The following CLCA1 variants were observed in gnomAD, a reference collection of about 807,000 sequenced individuals.
CLCA1 encodes the protein chloride channel accessory 1, also known as calcium-activated chloride channel regulator 1.
A neutral mutation model predicts 85.6 loss-of-function variants in CLCA1; 59 were observed. That is an observed-to-expected ratio of 0.69 (90% CI 0.56 to 0.86). CLCA1 has a LOEUF of 0.86. Among genes scored for constraint, CLCA1 ranks in the 40% least tolerant of loss-of-function variants. The pLI is 0.00. For missense variants in CLCA1, 1,022 were observed against 1,101.4 expected, an observed-to-expected ratio of 0.93 and a Z score of 1.02; for synonymous variants, 396 against 398.3, an observed-to-expected ratio of 0.99 and a Z score of 0.07.
chr1:86,497,730 ACAAT>A (rs750325606), intron 12 of CLCA1, among the ~76,000 whole-genome samples: 1 of 152,232 alleles, frequency 6.6e-6, no homozygotes, highest in Non-Finnish European at 1.5e-5. Context: ...ATATGCATAA[ACAAT>A]CAAGGCATTC....
chr1:86,473,959 G>A (rs1019954794), intron 3 of CLCA1, 83 bp downstream of exon 3: 126 of 1,018,740 alleles, frequency 1.2e-4, no homozygotes, highest in Non-Finnish European at 1.6e-4. Flanking sequence ...ATCTTTGTGA[G>A]TAAGCATGTA....
In CLCA1 at chr1:86,494,293, A is replaced by G. The variant is rs1648216007; in HGVS notation, c.1787A>G (p.Lys596Arg). Residue 596 changes from lysine to arginine, a missense_variant, in exon 11 of 14, where the codon AAA becomes AGA. Transcript: ENST00000394711. ...ATLPPITVTS[K>R]TNKDTSKFPS... The stretch of plus-strand genomic sequence containing the variant: ...CTGCCTCCAATTACAGTGACTTCCA[A>G]AACGAACAAGGACACCAGCAAATTC... The G allele has an allele frequency of 3.7e-6, 6 of 1,614,050 alleles. No individual in the cohort carries two copies. In the South Asian group the frequency reaches 4.4e-5, roughly 12 times the overall value.
chr1:86,474,238 T>C (rs1647580769), intron 3 of CLCA1, among the ~76,000 whole-genome samples: 1 of 152,204 alleles, frequency 6.6e-6, no homozygotes, highest in African/African-American at 2.4e-5. Context: ...AGCCACCAGA[T>C]GGCGTATATG....
At chr1:86,498,905 AG>A (rs1408165547) in intron 13 of CLCA1, 94 bp downstream of exon 13, 2 of 1,363,388 alleles carry the variant, frequency 1.5e-6, no homozygotes, top group African/African-American at 2.9e-5. Flanking sequence ...TCTGATACTT[AG>A]GGGGCAGAAG....
intron 3 of CLCA1, among the ~76,000 whole-genome samples, chr1:86,474,821 A>G (rs75216245): frequency 0.016 from 2,393 of 152,314 alleles, 68 homozygotes; most frequent in African/African-American, 0.055. Context: ...CATATATATA[A>G]AATGTACTTT....
chr1:86,486,656 T>A lies in CLCA1; in HGVS notation c.1085T>A (p.Ile362Lys). 2 of 1,614,146 alleles carry A rather than the reference T, an allele frequency of 1.2e-6. No homozygotes were observed. Among genetic ancestry groups the A allele is most frequent in the Non-Finnish European group, 1.7e-6 (2 of 1,180,028 alleles). ...AAHVQNELIQ[I>K]NSGSDRDTLA... ...CATGTACAAAATGAACTCATACAGATAAACAGTGGCAGTGACAGGGACACA... is the reference window on the plus strand; with the variant it reads ...CATGTACAAAATGAACTCATACAGAAAAACAGTGGCAGTGACAGGGACACA... Residue 362 changes from isoleucine (I) to lysine (K), a missense_variant, in exon 7 of 14, where the codon ATA becomes AAA. Transcript: ENST00000394711.
chr1:86,486,598 T>C lies in CLCA1; in HGVS notation c.1027T>C (p.Trp343Arg), dbSNP rs1424601554. The change falls in exon 7 of 14, where the codon TGG becomes CGG. Residue 343 changes from tryptophan to arginine, a missense_variant. Coordinates refer to ENST00000394711, the MANE Select transcript of CLCA1 (RefSeq NM_001285.4). ...GCTGCAGACAGTTGAGCTGGGGTCC[T>C]GGGTTGGGATGGTGACATTTGACAG... ...FLLQTVELGS[W>R]VGMVTFDSAA... is the part of the protein sequence containing the mutation. 4 of 1,614,150 alleles carry C rather than the reference T, an allele frequency of 2.5e-6. No homozygotes were observed. In the African/African-American group the frequency reaches 4.0e-5, roughly 16 times the overall value.
chr1:86,492,178 T>C (rs1648149548), intron 9 of CLCA1, among the ~76,000 whole-genome samples: 1 of 152,196 alleles, frequency 6.6e-6, no homozygotes, highest in Non-Finnish European at 1.5e-5. Flanking sequence ...AAAGGAAAAC[T>C]GTAATGTCAA....
At chr1:86,469,388 C>T (rs1647436771) in intron 1 of CLCA1, among the ~76,000 whole-genome samples, 1 of 152,182 alleles carries the variant, frequency 6.6e-6, no homozygotes, top group Admixed American at 6.5e-5. Flanking sequence ...TTGATATGTA[C>T]TGCTGTGGAT....
chr1:86,482,724 A>G (rs990697308), intron 5 of CLCA1, among the ~76,000 whole-genome samples: 3 of 152,242 alleles, frequency 2.0e-5, no homozygotes, highest in African/African-American at 4.8e-5. Context: ...ATTAGTTAAT[A>G]AAGACATGAT....
At chr1:86,481,022 T>C (rs1454003759) in intron 4 of CLCA1, among the ~76,000 whole-genome samples, 1 of 152,184 alleles carries the variant, frequency 6.6e-6, no homozygotes, top group Non-Finnish European at 1.5e-5. Context: ...TGTTTATTCA[T>C]TGATGTTTTA....
chr1:86,493,885 A>G (rs991067561), intron 10 of CLCA1, among the ~76,000 whole-genome samples: 2 of 152,198 alleles, frequency 1.3e-5, no homozygotes, highest in African/African-American at 4.8e-5. Flanking sequence ...GGATCATAAA[A>G]GTTATTTCCT....
intron 4 of CLCA1, among the ~76,000 whole-genome samples, chr1:86,479,918 G>A (rs1470409231): frequency 6.6e-6 from 1 of 151,982 alleles, no homozygotes; most frequent in African/African-American, 2.4e-5. Flanking sequence ...AAACAATGTG[G>A]GCAGACATTA....
chr1:86,474,496 G>A (rs1024310162), intron 3 of CLCA1, among the ~76,000 whole-genome samples: 3 of 151,164 alleles, frequency 2.0e-5, no homozygotes, highest in Non-Finnish European at 4.4e-5. Flanking sequence ...GGAGGTTGTA[G>A]TGAGCCAAGA....
At chr1:86,481,081 C>A (rs770163238) in intron 4 of CLCA1, among the ~76,000 whole-genome samples, 28 of 152,224 alleles carry the variant, frequency 1.8e-4, no homozygotes, top group Middle Eastern at 3.4e-3. Flanking sequence ...ACAAGTTAGT[C>A]TGAATACATA....
rs55653019 is a variant in CLCA1 at position 86,482,196 on chromosome 1, T to A, written c.558-9T>A. ...ATCACCTAAACATCTAACCTTCCTA[T>A]ATTTTCAGATGTTCAGCAGGTATTA... On this transcript the variant is annotated splice_polypyrimidine_tract_variant and intron_variant, in intron 4 of 13. Transcript: ENST00000394711. 1 of 1,608,768 alleles carries A rather than the reference T, an allele frequency of 6.2e-7. No homozygotes were observed. The highest frequency in any genetic ancestry group is 8.5e-7 in the Non-Finnish European group (1 of 1,175,582).
intron 1 of CLCA1, 26 bp from the exon 2 acceptor site, chr1:86,473,391 T>TA: frequency 1.3e-6 from 2 of 1,497,444 alleles, no homozygotes; most frequent in Admixed American, 2.1e-5. Context: ...AGTCAATTGT[T>TA]ACGTATGTTT....
At chr1:86,473,646 T>G in intron 2 of CLCA1, 83 bp from the exon 3 acceptor site, 1 of 1,494,284 alleles carries the variant, frequency 6.7e-7, no homozygotes, top group Non-Finnish European at 9.1e-7. Context: ...CAAATGTGAT[T>G]GTTTGAAACT....
Position 86,469,034 on chromosome 1 carries a change from T to C in CLCA1, c.63T>C (p.Ser21=), listed in dbSNP as rs781181374. The C allele has an allele frequency of 6.2e-6, 10 of 1,613,230 alleles. No homozygotes were observed. In the Admixed American group the frequency reaches 1.3e-4, roughly 22 times the overall value. ...LILHLLEGAL[S]NSLIQLNNNG... is the part of the protein sequence containing the mutation. The stretch of plus-strand genomic sequence containing the variant: ...TTCACCTTCTAGAAGGGGCCCTGAG[T>C]AATTCACTCATTCAGCTGAACAACA... Residue 21 remains serine, a synonymous_variant, in exon 1 of 14, where the codon AGT becomes AGC. Transcript: ENST00000394711.
Sources: gnomAD v4.1 joint callset for allele counts (sites outside exome capture counted in the v4.1 genomes callset) on GRCh38, gnomAD v4.1.1 for gene constraint, MANE v1.5 for transcripts, NCBI Gene and HGNC (gene_info 2026-07-23, HGNC 2026-07-21) for gene names.